UGP2: variants seen among roughly 807,000 people sequenced by gnomAD.
UGP2 encodes UDP-glucose pyrophosphorylase 2.
A neutral mutation model predicts 49.0 loss-of-function variants in UGP2; 40 were observed. The ratio of observed to expected loss-of-function variants is 0.82; its 90% CI spans 0.63 to 1.06. The LOEUF is 1.06. Among genes scored for constraint, UGP2 ranks in the 50% least tolerant of loss-of-function variants. The pLI, the probability that UGP2 is intolerant of heterozygous loss-of-function variation, is 0.00. For missense variants in UGP2, 460 were observed against 603.5 expected, an observed-to-expected ratio of 0.76 and a Z score of 2.49; for synonymous variants, 225 against 213.0, an observed-to-expected ratio of 1.06 and a Z score of -0.49.
At chr2:63,891,052 G>C (rs955863497) in intron 9 of UGP2, 68 bp from the exon 10 acceptor site, 3 of 1,250,778 alleles carry the variant, frequency 2.4e-6, no homozygotes, top group African/African-American at 1.5e-5. Flanking sequence ...ACATAAACTT[G>C]ATCACTGTAA....
chr2:63,872,768 A>G (rs1670643170), intron 3 of UGP2, among the ~76,000 whole-genome samples: 1 of 151,504 alleles, frequency 6.6e-6, no homozygotes, highest in Non-Finnish European at 1.5e-5. Flanking sequence ...CACTGCAGCC[A>G]GCTATTGCAT....
intron 1 of UGP2, chr2:63,855,331 T>A: frequency 5.0e-6 from 2 of 398,580 alleles, no homozygotes; most frequent in Non-Finnish European, 9.7e-6. Flanking sequence ...GAATAGAAAC[T>A]TTACAAATAC....
intron 3 of UGP2, among the ~76,000 whole-genome samples, chr2:63,879,224 C>G (rs1285502335): frequency 1.3e-5 from 2 of 152,004 alleles, no homozygotes; most frequent in Admixed American, 1.3e-4. Context: ...TTTGTTCCCT[C>G]AAAAAGGGAA....
intron 3 of UGP2, among the ~76,000 whole-genome samples, chr2:63,870,332 G>A (rs1244313102): frequency 6.6e-6 from 1 of 152,168 alleles, no homozygotes; most frequent in East Asian, 1.9e-4. Flanking sequence ...AGTGGTAGAA[G>A]ACAAAAAACT....
chr2:63,888,279 C>CAGTA (rs1169268719), intron 8 of UGP2: 1 of 152,844 alleles, frequency 6.5e-6, no homozygotes, highest in Non-Finnish European at 1.5e-5. Context: ...ATAGCAAGTA[C>CAGTA]AGTACATCCT....
In UGP2 at chr2:63,890,592, A is replaced by T. The variant is rs559310767; in HGVS notation, c.1419+407A>T. ...CTTTTTCCAAATCATGTAATTTTTT[A>T]AAAAATCTCCTAACTAGATTTCATA... On this transcript the variant is annotated intron_variant, in intron 9 of 9. Transcript: ENST00000337130. Among the ~76,000 whole-genome samples, 19 of 152,322 alleles carry T rather than the reference A, an allele frequency of 1.2e-4. No homozygotes were observed. The South Asian group carries it at 1.7e-3, about 13-fold the overall frequency.
chr2:63,886,492 T>C lies in UGP2; in HGVS notation c.1025T>C (p.Leu342Pro). The change falls in exon 7 of 10, where the codon CTG becomes CCG. Residue 342 changes from leucine to proline, a missense_variant. Around this residue, in one of 2 missense-constraint regions of UGP2, gnomAD observed 317 missense variants for 473.0 expected, o/e 0.67. Coordinates refer to ENST00000337130, the MANE Select transcript of UGP2 (RefSeq NM_006759.4). ...ATTTCTCTTGCAGCAGTTAAAAGACTGCAGGAGCAAAATGCCATTGACATG... is the reference window on the plus strand; with the variant it reads ...ATTTCTCTTGCAGCAGTTAAAAGACCGCAGGAGCAAAATGCCATTGACATG... ...LWISLAAVKR[L>P]QEQNAIDMEI... is the part of the protein sequence containing the mutation. 6.2e-7 allele frequency: 1 copy of C among 1,614,194 alleles called. No individual in the cohort carries two copies. Among genetic ancestry groups the C allele is most frequent in the Non-Finnish European group, 8.5e-7 (1 of 1,180,032 alleles).
At chr2:63,854,473 A>G (rs1669249762) in intron 1 of UGP2, among the ~76,000 whole-genome samples, 1 of 152,224 alleles carries the variant, frequency 6.6e-6, no homozygotes, top group Non-Finnish European at 1.5e-5. Context: ...TAACATCTGT[A>G]CTACTTTTCC....
chr2:63,872,214 T>C (rs1240624995), intron 3 of UGP2, among the ~76,000 whole-genome samples: 1 of 152,182 alleles, frequency 6.6e-6, no homozygotes, highest in East Asian at 1.9e-4. Flanking sequence ...ACCTAGAAAT[T>C]CAATACTATA....
chr2:63,877,051 CAAAG>C (rs1436828617), intron 3 of UGP2, among the ~76,000 whole-genome samples: 10 of 152,266 alleles, frequency 6.6e-5, no homozygotes, highest in African/African-American at 2.4e-4. Flanking sequence ...TTTGGGATAA[CAAAG>C]AAATTGCAGT....
chr2:63,864,021 A>G lies in UGP2; in HGVS notation c.255+6085A>G, dbSNP rs529990237. Among the ~76,000 whole-genome samples the G allele has an allele frequency of 2.7e-3, 413 of 152,340 alleles. 2 individuals carry two copies. The highest frequency in any genetic ancestry group is 3.4e-3 in the Non-Finnish European group (233 of 68,010). On this transcript the variant is annotated intron_variant, in intron 3 of 9. Transcript: ENST00000337130. ...AAAAGAACAAGAAACACCATTTCAA[A>G]GGGTTTTTTGGTTTTTAATGAAGCA... is the stretch of plus-strand genomic sequence containing the variant.
In UGP2 at chr2:63,886,304, C is replaced by G. The variant is rs1159193115; in HGVS notation, c.874-37C>G. On this transcript the variant is annotated intron_variant, in intron 6 of 9. Coordinates refer to ENST00000337130, the MANE Select transcript of UGP2 (RefSeq NM_006759.4). ...TATTTACAAAAAAATGCACTTGAGA[C>G]TGATGTGGAGGCACTCACTATTTTC... 7 of 1,594,886 alleles carry G rather than the reference C, an allele frequency of 4.4e-6. No homozygotes were observed. In the Admixed American group the frequency reaches 8.4e-5, roughly 19 times the overall value.
intron 2 of UGP2, chr2:63,857,402 C>A: frequency 7.4e-6 from 2 of 268,614 alleles, no homozygotes; most frequent in South Asian, 6.5e-5. Flanking sequence ...CTCACTCTGT[C>A]ACCCAGGCTG....
intron 1 of UGP2, among the ~76,000 whole-genome samples, chr2:63,847,872 CAG>C: frequency 6.6e-6 from 1 of 152,314 alleles, no homozygotes; most frequent in Admixed American, 6.5e-5. Flanking sequence ...GTGCAAGTCA[CAG>C]GGGATGCAAT....
At chr2:63,848,168 T>C (rs2104248562) in intron 1 of UGP2, among the ~76,000 whole-genome samples, 1 of 152,314 alleles carries the variant, frequency 6.6e-6, no homozygotes, top group African/African-American at 2.4e-5. Flanking sequence ...ACCTTTTTGG[T>C]TGGATAGAAT....
At chr2:63,887,350 T>C in intron 7 of UGP2, 52 bp from the exon 8 acceptor site, 1 of 1,607,130 alleles carries the variant, frequency 6.2e-7, no homozygotes, top group Non-Finnish European at 8.5e-7. Context: ...GGAACTAAGT[T>C]GTAGGTGCCT....
In UGP2 at chr2:63,885,648, G is replaced by A; in HGVS notation, c.635G>A (p.Gly212Glu). 2 of 1,609,730 alleles carry A rather than the reference G, an allele frequency of 1.2e-6. No individual in the cohort carries two copies. Among genetic ancestry groups the A allele is most frequent in the Non-Finnish European group, 1.7e-6 (2 of 1,178,432 alleles). ...LPVAKDVSYS[G>E]ENTEAWYPPG... The stretch of plus-strand genomic sequence containing the variant: ...GTAGCAAAGGACGTGTCTTACTCAG[G>A]GGAAAATACAGAAGCTTGGTACCCT... The change falls in exon 6 of 10, where the codon GGG becomes GAG. Residue 212 changes from glycine (G) to glutamate (E), a missense_variant. Physicochemically the swap from Gly to Glu is moderately conservative, Grantham distance 98. Around this residue, in one of 2 missense-constraint regions of UGP2, gnomAD observed 317 missense variants for 473.0 expected, o/e 0.67. Coordinates refer to ENST00000337130, the MANE Select transcript of UGP2 (RefSeq NM_006759.4).
chr2:63,841,804 GA>G (rs1394280608), upstream of UGP2: 2 of 185,106 alleles, frequency 1.1e-5, no homozygotes, highest in African/African-American at 4.7e-5. Context: ...TACAGCCCTG[GA>G]GGGCGTGGGG....
At chr2:63,856,109 T>C in intron 1 of UGP2, 197 bp from the exon 2 acceptor site, 1 of 539,428 alleles carries the variant, frequency 1.9e-6, no homozygotes, top group Non-Finnish European at 3.1e-6. Context: ...CAAGGGGTTC[T>C]TGTTTAGTGG....
Sources: gnomAD v4.1 joint callset for allele counts (sites outside exome capture counted in the v4.1 genomes callset) on GRCh38, gnomAD v4.1.1 for gene constraint, gnomAD v4.1.1 regional missense constraint, MANE v1.5 for transcripts, NCBI Gene and HGNC (gene_info 2026-07-23, HGNC 2026-07-21) for gene names.